Variants in DACH2 observed in about 807,000 individuals in gnomAD.
DACH2 encodes dachshund homolog 2.
DACH2 carries 17 observed loss-of-function variants against 35.8 expected under a neutral mutation model. The ratio of observed to expected loss-of-function variants is 0.48; its 90% CI spans 0.33 to 0.71. DACH2 has a LOEUF of 0.71. DACH2 is among the 30% of genes least tolerant of loss of function. The pLI, the probability that DACH2 is intolerant of heterozygous loss-of-function variation, is 0.02. For synonymous variants in DACH2, 195 were observed against 177.3 expected, an observed-to-expected ratio of 1.10 and a Z score of -0.79; for missense variants, 469 against 472.7, an observed-to-expected ratio of 0.99 and a Z score of 0.07.
intron 3 of DACH2, among the ~76,000 whole-genome samples, chrX:86,599,098 C>A (rs1483076788): frequency 9.0e-6 from 1 of 111,127 alleles, no homozygotes; most frequent in Admixed American, 9.6e-5. Flanking sequence ...ATGATGGTAT[C>A]CAGCTTCATC....
chrX:86,549,031 G>A (rs1189141752), intron 3 of DACH2, among the ~76,000 whole-genome samples: 1 of 111,490 alleles, frequency 9.0e-6, no homozygotes, highest in African/African-American at 3.3e-5. Context: ...CTTGGAGGAG[G>A]GAAATGGCAG....
intron 2 of DACH2, among the ~76,000 whole-genome samples, chrX:86,493,920 T>C (rs1247568118): frequency 8.9e-6 from 1 of 112,050 alleles, no homozygotes; most frequent in South Asian, 3.7e-4. Flanking sequence ...GAGAGTAGGA[T>C]AGAAGCAATC....
chrX:86,595,795 T>G (rs943526730), intron 3 of DACH2, among the ~76,000 whole-genome samples: 10 of 109,349 alleles, frequency 9.1e-5, no homozygotes, highest in African/African-American at 3.0e-4. Context: ...TAGTTTTACA[T>G]ATATTCAATT....
At chrX:86,600,107 A>G (rs759305567) in intron 3 of DACH2, among the ~76,000 whole-genome samples, 1 of 112,258 alleles carries the variant, frequency 8.9e-6, no homozygotes, top group Admixed American at 9.4e-5. Context: ...TGTCACATCA[A>G]TTCAGAGTGG....
At chrX:86,727,281 A>T (rs1168592884) in intron 6 of DACH2, among the ~76,000 whole-genome samples, 2 of 112,001 alleles carry the variant, frequency 1.8e-5, no homozygotes, top group African/African-American at 3.2e-5. Flanking sequence ...GATTTAAAAC[A>T]TACCTACAGA....
At chrX:86,734,658 C>T (rs2041575891) in intron 6 of DACH2, among the ~76,000 whole-genome samples, 2 of 111,333 alleles carry the variant, frequency 1.8e-5, no homozygotes, top group Admixed American at 1.9e-4. Context: ...CAGACCAATG[C>T]TTGAATTGGT....
chrX:86,667,584 GAAA>G (rs1350658425), intron 4 of DACH2, among the ~76,000 whole-genome samples: 7 of 102,423 alleles, frequency 6.8e-5, no homozygotes, highest in African/African-American at 2.7e-4. Flanking sequence ...AAGAAAGAAA[GAAA>G]GAAAGAAAGA....
intron 2 of DACH2, among the ~76,000 whole-genome samples, chrX:86,403,013 A>G (rs1220703144): frequency 8.9e-6 from 1 of 112,150 alleles, no homozygotes; most frequent in Non-Finnish European, 1.9e-5. Context: ...CCTAAATTTT[A>G]CCATATACAA....
chrX:86,207,214 T>C (rs1358638832), intron 1 of DACH2, among the ~76,000 whole-genome samples: 1 of 111,412 alleles, frequency 9.0e-6, no homozygotes, highest in Non-Finnish European at 1.9e-5. Flanking sequence ...CATTATTTTG[T>C]GTTTCAGGCC....
At chrX:86,354,921 T>G (rs1309768293) in intron 1 of DACH2, among the ~76,000 whole-genome samples, 1 of 111,505 alleles carries the variant, frequency 9.0e-6, no homozygotes, top group African/African-American at 3.3e-5. Flanking sequence ...TCTCTTTCTA[T>G]CTTTTATTTT....
In DACH2 at chrX:86,695,048, A is replaced by T; in HGVS notation, c.800A>T (p.Asp267Val). Residue 267 changes from aspartate (D) to valine (V), a missense_variant, in exon 5 of 12, where the codon GAT becomes GTT. This residue lies in a region of DACH2 where 363 missense variants were observed against 334.4 expected (regional missense o/e 1.09). Transcript: ENST00000373125. ...TGGSESSWDK[D>V]KMQSPFAAPG... ...GGAAGTGAATCCTCCTGGGATAAAG[A>T]TAAGATGCAGTCTCCATTTGCTGCA... 1 of 1,122,565 alleles carries T rather than the reference A, an allele frequency of 8.9e-7. No homozygotes were observed. Among genetic ancestry groups the T allele is most frequent in the Admixed American group, 2.9e-5 (1 of 34,840 alleles). The allele number at this position is 1,122,565 out of a possible 1,213,427, so 92.5% of individuals were successfully genotyped here. A position where few individuals can be genotyped will look rare whatever the true frequency, so the allele number is the denominator to read the frequency against.
intron 3 of DACH2, among the ~76,000 whole-genome samples, chrX:86,532,173 C>T (rs1281263813): frequency 1.8e-5 from 2 of 112,036 alleles, no homozygotes. Context: ...AGGGACTTGC[C>T]TTGTCTGAGA....
intron 1 of DACH2, among the ~76,000 whole-genome samples, chrX:86,236,333 A>G (rs1036252349): frequency 2.7e-5 from 3 of 112,225 alleles, no homozygotes; most frequent in Admixed American, 1.9e-4. Flanking sequence ...ATAAGTGCTT[A>G]TTGAATGAAT....
At chrX:86,649,827 T>A (rs1360427299) in intron 3 of DACH2, among the ~76,000 whole-genome samples, 1 of 111,355 alleles carries the variant, frequency 9.0e-6, no homozygotes. Flanking sequence ...AGAATCAGGA[T>A]CTTCTAATGA....
intron 1 of DACH2, among the ~76,000 whole-genome samples, chrX:86,365,224 ATTAAAG>A (rs2035790216): frequency 9.0e-6 from 1 of 110,877 alleles, no homozygotes; most frequent in Non-Finnish European, 1.9e-5. Context: ...TTGCTAAAAC[ATTAAAG>A]TTGATACCTA....
intron 4 of DACH2, among the ~76,000 whole-genome samples, chrX:86,668,289 T>A (rs779677695): frequency 2.7e-5 from 3 of 112,237 alleles, no homozygotes; most frequent in African/African-American, 9.7e-5. Flanking sequence ...TTTCAGTCTC[T>A]TGTTAATTTC....
intron 1 of DACH2, among the ~76,000 whole-genome samples, chrX:86,319,093 T>A (rs2034969082): frequency 8.9e-6 from 1 of 112,175 alleles, no homozygotes; most frequent in Non-Finnish European, 1.9e-5. Context: ...CCTGTTATAA[T>A]TGATGAGTTT....
chrX:86,347,136 AT>A (rs1306829412), intron 1 of DACH2, among the ~76,000 whole-genome samples: 1 of 111,859 alleles, frequency 8.9e-6, no homozygotes, highest in South Asian at 3.7e-4. Context: ...CCCAGAGATA[AT>A]TTTTTTATTC....
rs781051874 is a variant in DACH2 at position 86,420,116 on chromosome X, G to A, written c.527+43254G>A. Among the ~76,000 whole-genome samples, 114 of 111,580 alleles carry A rather than the reference G, an allele frequency of 1.0e-3. 1 individual carries two copies. Among genetic ancestry groups the A allele is most frequent in the Non-Finnish European group, 1.8e-3 (94 of 53,068 alleles). On this transcript the variant is annotated intron_variant, in intron 2 of 11. Transcript: ENST00000373125. ...CTCATACAGTTTTTCTGTTGGCTTCGGATCCTCATAGAGAACAAAAACAGT... is the reference window on the plus strand; with the variant it reads ...CTCATACAGTTTTTCTGTTGGCTTCAGATCCTCATAGAGAACAAAAACAGT...
Sources: gnomAD v4.1 joint callset for allele counts (sites outside exome capture counted in the v4.1 genomes callset) on GRCh38, gnomAD v4.1.1 for gene constraint, gnomAD v4.1.1 regional missense constraint, MANE v1.5 for transcripts, NCBI Gene and HGNC (gene_info 2026-07-23, HGNC 2026-07-21) for gene names.